Variants in AGBL4 observed in about 807,000 individuals in gnomAD.
The protein encoded by AGBL4 is AGBL carboxypeptidase 4, also known as cytosolic carboxypeptidase 6.
Under a neutral mutation model 66.4 loss-of-function variants are expected in AGBL4, and 58 were observed. The ratio of observed to expected loss-of-function variants is 0.87; its 90% CI spans 0.71 to 1.09. The LOEUF is 1.09. Among genes scored for constraint, AGBL4 ranks in the 50% least tolerant of loss-of-function variants. AGBL4 has a pLI of 0.00. For synonymous variants in AGBL4, 234 were observed against 222.9 expected, an observed-to-expected ratio of 1.05 and a Z score of -0.44; for missense variants, 579 against 631.0, an observed-to-expected ratio of 0.92 and a Z score of 0.88.
chr1:49,669,428 A>C (rs72686729), intron 3 of AGBL4, among the ~76,000 whole-genome samples: 3,035 of 152,244 alleles, frequency 0.02, 52 homozygotes, highest in Non-Finnish European at 0.033. Context: ...TGAAGATGGC[A>C]AAAAAAGTTC....
At chr1:49,658,070 A>C (rs1290356283) in intron 3 of AGBL4, among the ~76,000 whole-genome samples, 3 of 152,196 alleles carry the variant, frequency 2.0e-5, no homozygotes, top group African/African-American at 7.2e-5. Flanking sequence ...GTGAATAGGC[A>C]ACCTACAGAA....
intron 5 of AGBL4, among the ~76,000 whole-genome samples, chr1:48,943,750 G>A (rs979188672): frequency 6.9e-6 from 1 of 145,104 alleles, no homozygotes; most frequent in Non-Finnish European, 1.5e-5. Flanking sequence ...ACGGAGTCTG[G>A]GTGGTTGTTT....
chr1:49,745,393 T>G (rs923881436), intron 2 of AGBL4, among the ~76,000 whole-genome samples: 7 of 152,006 alleles, frequency 4.6e-5, no homozygotes, highest in African/African-American at 1.4e-4. Context: ...TTATTCTATT[T>G]TATTATTAGT....
chr1:48,764,461 G>A (rs776475893), intron 6 of AGBL4, among the ~76,000 whole-genome samples: 1 of 152,174 alleles, frequency 6.6e-6, no homozygotes, highest in African/African-American at 2.4e-5. Context: ...CACAAGAGGG[G>A]TAAAGAATAG....
At chr1:49,626,345 G>A (rs1224220964) in intron 3 of AGBL4, among the ~76,000 whole-genome samples, 1 of 152,132 alleles carries the variant, frequency 6.6e-6, no homozygotes. Flanking sequence ...CATCTGGATT[G>A]CTGTGTAGTG....
chr1:48,753,839 T>C (rs1385463496), intron 6 of AGBL4, among the ~76,000 whole-genome samples: 1 of 152,248 alleles, frequency 6.6e-6, no homozygotes, highest in Non-Finnish European at 1.5e-5. Context: ...ACTCTAGTTA[T>C]CTATGCCTCT....
intron 5 of AGBL4, among the ~76,000 whole-genome samples, chr1:48,954,043 C>A: frequency 6.6e-6 from 1 of 152,306 alleles, no homozygotes; most frequent in South Asian, 2.1e-4. Flanking sequence ...GGGCTTCAGA[C>A]ATAGTAGTGC....
intron 9 of AGBL4, among the ~76,000 whole-genome samples, chr1:48,613,106 C>T (rs1645264972): frequency 6.6e-6 from 1 of 151,906 alleles, no homozygotes; most frequent in Admixed American, 6.6e-5. Context: ...TGGACTCCAG[C>T]CTGGGCGAGA....
intron 3 of AGBL4, among the ~76,000 whole-genome samples, chr1:49,423,785 C>T (rs1055802201): frequency 5.6e-5 from 8 of 141,618 alleles, no homozygotes; most frequent in Admixed American, 1.5e-4. Flanking sequence ...GCACTCCAGC[C>T]TGGGTGACAG....
intron 6 of AGBL4, among the ~76,000 whole-genome samples, chr1:48,863,560 A>T (rs1297561283): frequency 3.3e-5 from 5 of 152,124 alleles, no homozygotes; most frequent in African/African-American, 1.2e-4. Context: ...AGATGATATG[A>T]AAATTAGAAT....
At chr1:49,763,372 A>G (rs1354667391) in intron 2 of AGBL4, among the ~76,000 whole-genome samples, 1 of 152,152 alleles carries the variant, frequency 6.6e-6, no homozygotes, top group Non-Finnish European at 1.5e-5. Flanking sequence ...GTGCCTTTCC[A>G]TATAAATTTT....
intron 3 of AGBL4, among the ~76,000 whole-genome samples, chr1:49,367,353 C>T (rs922558959): frequency 3.3e-5 from 5 of 152,168 alleles, no homozygotes. Context: ...AAGATCCTGG[C>T]ACTTCCTCCC....
rs577388639 is a variant in AGBL4, at chr1:48,640,414, A to G, written c.840-5810T>C. Among the ~76,000 whole-genome samples, 12 of 152,328 alleles carry G rather than the reference A, an allele frequency of 7.9e-5. No homozygotes were observed. The East Asian group carries it at 2.3e-3, about 29-fold the overall frequency. On this transcript the variant is annotated intron_variant, in intron 8 of 13. Transcript: ENST00000371839. ...TTCAATATATTTATTGGATGAATGA[A>G]TGAGTGAACAGATTAACAAAAGCAT...
intron 3 of AGBL4, among the ~76,000 whole-genome samples, chr1:49,515,848 T>C (rs1173567959): frequency 7.8e-6 from 1 of 128,160 alleles, no homozygotes; most frequent in East Asian, 2.3e-4. Flanking sequence ...TGAGAACACA[T>C]GGACACAGGA....
rs144480100 is a variant in AGBL4 at position 49,334,723 on chromosome 1, G to T, written c.283-88859C>A. Among the ~76,000 whole-genome samples the T allele has an allele frequency of 3.4e-3, 517 of 152,278 alleles. 1 individual carries two copies. The highest frequency in any genetic ancestry group is 0.012 in the African/African-American group (488 of 41,576). ...ATTCTCCCTAGGAATTAGGCTCATA[G>T]ATCCCCTACCAACTATTTGGCACTG... is the stretch of plus-strand genomic sequence containing the variant. On this transcript the variant is annotated intron_variant, in intron 3 of 13. Coordinates refer to ENST00000371839, the MANE Select transcript of AGBL4 (RefSeq NM_032785.4).
At chr1:49,521,632 T>A (rs936521062) in intron 3 of AGBL4, among the ~76,000 whole-genome samples, 5 of 152,032 alleles carry the variant, frequency 3.3e-5, no homozygotes, top group African/African-American at 1.2e-4. Flanking sequence ...TGGACCCCTA[T>A]CTTTTACCAT....
intron 12 of AGBL4, 71 bp downstream of exon 12, chr1:48,539,570 TA>T: frequency 8.1e-7 from 1 of 1,241,466 alleles, no homozygotes; most frequent in Non-Finnish European, 1.1e-6. Context: ...AGCAAAAGGC[TA>T]AGGGAAGTTG....
intron 8 of AGBL4, among the ~76,000 whole-genome samples, chr1:48,648,406 C>T (rs1175325681): frequency 6.6e-6 from 1 of 152,144 alleles, no homozygotes; most frequent in Non-Finnish European, 1.5e-5. Flanking sequence ...AGAGCCTCTC[C>T]CCCGCGCTTC....
At chr1:48,745,045 C>T (rs764848495) in intron 6 of AGBL4, among the ~76,000 whole-genome samples, 1 of 152,206 alleles carries the variant, frequency 6.6e-6, no homozygotes, top group Non-Finnish European at 1.5e-5. Flanking sequence ...TGTTTGCAAT[C>T]ATCTGCCTGT....
Sources: allele counts gnomAD v4.1 joint callset (sites outside exome capture counted in the v4.1 genomes callset), GRCh38; gene constraint gnomAD v4.1.1; transcripts MANE v1.5; gene names NCBI Gene and HGNC (gene_info 2026-07-23, HGNC 2026-07-21).